Variants in MYO1H observed in about 807,000 individuals in gnomAD.
MYO1H encodes myosin IH, also known as unconventional myosin-Ih.
In MYO1H, 118 loss-of-function variants were observed where a neutral mutation model predicts 149.3. That is an observed-to-expected ratio of 0.79 (90% CI 0.68 to 0.92). MYO1H has a LOEUF of 0.92. Ranked by LOEUF, MYO1H falls within the 40% of genes least tolerant of loss-of-function variation. MYO1H has a pLI of 0.00. For synonymous variants in MYO1H, 447 were observed against 465.2 expected, an observed-to-expected ratio of 0.96 and a Z score of 0.50; for missense variants, 1,212 against 1,280.7, an observed-to-expected ratio of 0.95 and a Z score of 0.82.
chr12:109,429,288 C>G (rs1340295900), intron 19 of MYO1H, among the ~76,000 whole-genome samples: 1 of 152,052 alleles, frequency 6.6e-6, no homozygotes, highest in Non-Finnish European at 1.5e-5. Flanking sequence ...CAGAACAGAC[C>G]CCATCCCTGT....
exon 2 of MYO1H, chr12:109,388,749 G>A (rs960417988): frequency 1.9e-6 from 3 of 1,612,838 alleles, no homozygotes; most frequent in African/African-American, 1.3e-5. Flanking sequence ...CCGGGACAAG[G>A]TCGGGGTTCA....
At position 109,437,112 on chromosome 12, in the gene MYO1H, AT is replaced by A. The variant is rs778981858; in HGVS notation, c.2209+557del. 9.9e-4 allele frequency among the ~76,000 whole-genome samples: 150 copies of A among 152,258 alleles called. 1 individual carries two copies. In the East Asian group the frequency reaches 0.019, roughly 19 times the overall value. ...AAAGTGAGACCCTGTCTCAAAAAAA[AT>A]AAAAGAATAATTTTTGAAAAAGTTT... is the stretch of plus-strand genomic sequence containing the variant. On this transcript the variant is annotated intron_variant, in intron 22 of 31. Coordinates refer to ENST00000310903, the Ensembl canonical transcript of MYO1H.
At chr12:109,317,861 T>G in the MYO1H span, among the ~76,000 whole-genome samples, 1 of 152,198 alleles carries the variant, frequency 6.6e-6, no homozygotes, top group East Asian at 1.9e-4. Context: ...TGTAAGCTTC[T>G]CAGGGTAATT....
chr12:109,352,054 G>A (rs941460850), intron 1 of MYO1H, among the ~76,000 whole-genome samples: 1 of 152,120 alleles, frequency 6.6e-6, no homozygotes, highest in African/African-American at 2.4e-5. Context: ...ACTAGTGAGT[G>A]GGACAAGAAG....
the MYO1H span, among the ~76,000 whole-genome samples, chr12:109,321,321 A>G: frequency 2.0e-4 from 30 of 152,100 alleles, 1 homozygote; most frequent in Non-Finnish European, 7.4e-5. Flanking sequence ...AGGCTGAGGC[A>G]AGCAGATCAC....
At chr12:109,414,073 G>T (rs1870793643) in intron 14 of MYO1H, among the ~76,000 whole-genome samples, 1 of 152,154 alleles carries the variant, frequency 6.6e-6, no homozygotes, top group Admixed American at 6.5e-5. Flanking sequence ...CTTAATCTGG[G>T]TGCTGGTTGC....
chr12:109,383,264 T>C (rs1869241598), intron 1 of MYO1H, among the ~76,000 whole-genome samples: 1 of 152,222 alleles, frequency 6.6e-6, no homozygotes, highest in Non-Finnish European at 1.5e-5. Flanking sequence ...ATCTACCCTC[T>C]TCTCCCCTTA....
chr12:109,413,744 T>A (rs1348396220), intron 14 of MYO1H, among the ~76,000 whole-genome samples: 1 of 151,730 alleles, frequency 6.6e-6, no homozygotes, highest in East Asian at 1.9e-4. Context: ...ACCCTGTCTC[T>A]ACTAAAAATA....
At chr12:109,340,925 G>C in the MYO1H span, among the ~76,000 whole-genome samples, 4 of 152,104 alleles carry the variant, frequency 2.6e-5, no homozygotes, top group Non-Finnish European at 4.4e-5. Flanking sequence ...AGTGGCTCAT[G>C]CCAGTAATCC....
chr12:109,395,609 C>T (rs896351876), intron 3 of MYO1H, among the ~76,000 whole-genome samples: 14 of 151,972 alleles, frequency 9.2e-5, no homozygotes, highest in Middle Eastern at 3.4e-3. Context: ...TAGTGCTGCA[C>T]TTATAATCCC....
upstream of MYO1H, among the ~76,000 whole-genome samples, chr12:109,347,605 T>C: frequency 6.6e-6 from 1 of 151,420 alleles, no homozygotes; most frequent in East Asian, 1.9e-4. Context: ...CTTTTTTTCT[T>C]TTTTTTTAAG....
At chr12:109,429,573 C>T (rs910205447) in intron 19 of MYO1H, among the ~76,000 whole-genome samples, 5 of 152,106 alleles carry the variant, frequency 3.3e-5, no homozygotes, top group Non-Finnish European at 7.4e-5. Flanking sequence ...AGGTTATATG[C>T]AAACACTATG....
chr12:109,386,402 G>A (rs925291620), intron 1 of MYO1H, among the ~76,000 whole-genome samples: 1 of 152,154 alleles, frequency 6.6e-6, no homozygotes, highest in African/African-American at 2.4e-5. Context: ...AAAGAATAGA[G>A]GCATGGTTAA....
At chr12:109,338,305 A>T in the MYO1H span, among the ~76,000 whole-genome samples, 4 of 152,304 alleles carry the variant, frequency 2.6e-5, no homozygotes, top group South Asian at 6.2e-4. Context: ...AACAACCTAG[A>T]AAAAAGCCAT....
At chr12:109,354,865 C>T (rs940443179) in intron 1 of MYO1H, among the ~76,000 whole-genome samples, 2 of 152,166 alleles carry the variant, frequency 1.3e-5, no homozygotes, top group Non-Finnish European at 2.9e-5. Context: ...CAGTGTCTGC[C>T]TAGCCTTTAC....
At chr12:109,348,984 A>G (rs1868397398) in intron 1 of MYO1H, among the ~76,000 whole-genome samples, 1 of 152,218 alleles carries the variant, frequency 6.6e-6, no homozygotes, top group African/African-American at 2.4e-5. Flanking sequence ...CTGGTAACTC[A>G]AAATGGCACT....
chr12:109,411,409 T>C (rs1031424972), intron 13 of MYO1H, among the ~76,000 whole-genome samples: 4 of 152,252 alleles, frequency 2.6e-5, no homozygotes, highest in African/African-American at 9.6e-5. Flanking sequence ...ACCACACCTG[T>C]AATTTTTAAG....
intron 1 of MYO1H, among the ~76,000 whole-genome samples, chr12:109,374,382 C>A (rs1206921668): frequency 6.6e-6 from 1 of 152,124 alleles, no homozygotes; most frequent in Admixed American, 6.5e-5. Context: ...ATACCTACTA[C>A]CTCATAGGGT....
chr12:109,402,774 G>T (rs1870219764), intron 6 of MYO1H, among the ~76,000 whole-genome samples: 1 of 152,182 alleles, frequency 6.6e-6, no homozygotes, highest in South Asian at 2.1e-4. Context: ...AAAGCTGTAT[G>T]GTCGCATCAT....
Sources: allele counts gnomAD v4.1 joint callset (sites outside exome capture counted in the v4.1 genomes callset), GRCh38; gene constraint gnomAD v4.1.1; transcripts MANE v1.5; gene names NCBI Gene and HGNC (gene_info 2026-07-23, HGNC 2026-07-21).